The following WDR64 variants were observed in gnomAD, a reference collection of about 807,000 sequenced individuals.
The protein encoded by WDR64 is WD repeat domain 64.
Under a neutral mutation model 139.3 loss-of-function variants are expected in WDR64, and 112 were observed. The ratio of observed to expected loss-of-function variants is 0.80; its 90% CI spans 0.69 to 0.94. The LOEUF is 0.94. WDR64 is among the 40% of genes least tolerant of loss of function. WDR64 has a pLI of 0.00. For missense variants in WDR64, 1,206 were observed against 1,293.1 expected, an observed-to-expected ratio of 0.93 and a Z score of 1.03; for synonymous variants, 444 against 437.7, an observed-to-expected ratio of 1.01 and a Z score of -0.18.
chr1:241,713,535 AAGGG>A (rs531178935), intron 9 of WDR64, among the ~76,000 whole-genome samples: 1,988 of 141,158 alleles, frequency 0.014, 25 homozygotes, highest in South Asian at 0.03. Flanking sequence ...AAAAGCAAGG[AAGGG>A]AGGGAGGGAG....
Position 241,749,704 on chromosome 1 carries a change from G to A in WDR64, c.1752G>A (p.Gly584=). The change falls in exon 14 of 28, where the codon GGG becomes GGA. Residue 584 remains glycine, a synonymous_variant. Coordinates refer to ENST00000437684, the MANE Select transcript of WDR64 (RefSeq NM_001367482.1). ...TGGTCCTGGCCTTGGAGCGCAACGGGACTATCAAAATGATCCAGGTTTACA... is the reference window on the plus strand; with the variant it reads ...TGGTCCTGGCCTTGGAGCGCAACGGAACTATCAAAATGATCCAGGTTTACA... The part of the protein sequence containing the change: ...QQLVLALERN[G]TIKMIQGKED... The A allele has an allele frequency of 1.2e-6, 2 of 1,613,992 alleles. No homozygotes were observed. The highest frequency in any genetic ancestry group is 1.7e-6 in the Non-Finnish European group (2 of 1,179,950).
chr1:241,694,293 G>C (rs1667406522), intron 8 of WDR64, among the ~76,000 whole-genome samples: 2 of 152,082 alleles, frequency 1.3e-5, no homozygotes, highest in Non-Finnish European at 2.9e-5. Flanking sequence ...TAGACTTCAT[G>C]AAAGATACTT....
chr1:241,769,047 G>C (rs924577602), intron 16 of WDR64, among the ~76,000 whole-genome samples: 1 of 152,138 alleles, frequency 6.6e-6, no homozygotes, highest in Non-Finnish European at 1.5e-5. Context: ...CAGGAGGATC[G>C]CTTGAGCCCA....
chr1:241,729,449 A>AT (rs1209322768), intron 10 of WDR64, among the ~76,000 whole-genome samples: 1 of 152,088 alleles, frequency 6.6e-6, no homozygotes, highest in African/African-American at 2.4e-5. Flanking sequence ...AGTTCAGATT[A>AT]TTTTTTCTAG....
chr1:241,756,950 A>G (rs1359348314), intron 14 of WDR64, among the ~76,000 whole-genome samples: 1 of 152,238 alleles, frequency 6.6e-6, no homozygotes, highest in African/African-American at 2.4e-5. Flanking sequence ...ATTGAGTGAA[A>G]TAAGAAAGTT....
At chr1:241,781,948 A>T (rs531506028) in intron 22 of WDR64, among the ~76,000 whole-genome samples, 5 of 152,376 alleles carry the variant, frequency 3.3e-5, no homozygotes, top group Non-Finnish European at 7.3e-5. Context: ...CCTAAGGCAG[A>T]GAAAGAAACC....
At chr1:241,798,848 G>T (rs965032451) in intron 27 of WDR64, among the ~76,000 whole-genome samples, 3 of 151,954 alleles carry the variant, frequency 2.0e-5, no homozygotes, top group African/African-American at 7.3e-5. Flanking sequence ...CGTCTCTTTA[G>T]AATTAAACAA....
chr1:241,683,815 G>A, intron 7 of WDR64, 114 bp downstream of exon 7: 1 of 891,154 alleles, frequency 1.1e-6, no homozygotes, highest in South Asian at 2.3e-5. Context: ...AAGAAATTAA[G>A]ACAAAATTAA....
In WDR64 at chr1:241,802,012, T is replaced by C; in HGVS notation, c.*797T>C. The C allele has an allele frequency of 2.5e-6, 1 of 397,824 alleles. No individual in the cohort carries two copies. 24.6% of individuals were successfully genotyped at this position (397,824 alleles called of 1,614,324 possible). A position where few individuals can be genotyped will look rare whatever the true frequency, so the allele number is the denominator to read the frequency against. On this transcript the variant is annotated 3_prime_UTR_variant, in exon 28 of 28. Transcript: ENST00000437684. Reference sequence around the variant, plus strand: ...TTAAAGATAAAAGAATGAAAAAAGATGTATGATGCAAAAACTAACCTAAAG... The same window carrying C: ...TTAAAGATAAAAGAATGAAAAAAGACGTATGATGCAAAAACTAACCTAAAG...
chr1:241,687,661 A>G (rs1461365176), intron 8 of WDR64, 66 bp downstream of exon 8: 10 of 1,470,856 alleles, frequency 6.8e-6, no homozygotes, highest in African/African-American at 1.4e-5. Flanking sequence ...TGATAAAACC[A>G]TGACAGCTTT....
At chr1:241,701,615 G>A (rs559884101) in intron 8 of WDR64, among the ~76,000 whole-genome samples, 1 of 152,322 alleles carries the variant, frequency 6.6e-6, no homozygotes, top group East Asian at 1.9e-4. Context: ...ATTCGTCTGA[G>A]AAGAAGTCAG....
intron 1 of WDR64, among the ~76,000 whole-genome samples, chr1:241,658,243 C>T (rs930903088): frequency 6.6e-6 from 1 of 151,580 alleles, no homozygotes; most frequent in African/African-American, 2.4e-5. Context: ...AGTCTTACCC[C>T]AGGGAATTAC....
intron 8 of WDR64, among the ~76,000 whole-genome samples, chr1:241,690,308 T>C (rs897128200): frequency 1.3e-5 from 2 of 151,862 alleles, no homozygotes; most frequent in African/African-American, 4.8e-5. Context: ...CCGTCTCTAC[T>C]AAAAATACAA....
intron 16 of WDR64, among the ~76,000 whole-genome samples, chr1:241,768,404 C>T (rs1240711039): frequency 6.6e-6 from 1 of 152,202 alleles, no homozygotes; most frequent in Non-Finnish European, 1.5e-5. Context: ...TCTTTGTCTA[C>T]CACAAACTTC....
chr1:241,670,404 G>C lies in WDR64; in HGVS notation c.277-670G>C, dbSNP rs147632783. On this transcript the variant is annotated intron_variant, in intron 2 of 27. Transcript: ENST00000437684. ...TGGAAAATGGGTAAGACAGTCATTT[G>C]AGAGTGGCCAAAGTCAGTGTCAAAG... is the stretch of plus-strand genomic sequence containing the variant. Among the ~76,000 whole-genome samples the C allele has an allele frequency of 7.3e-3, 1,111 of 152,240 alleles. 15 individuals carry two copies. Among genetic ancestry groups the C allele is most frequent in the Middle Eastern group, 0.017 (5 of 294 alleles).
chr1:241,758,674 C>T (rs1445208392), intron 15 of WDR64, among the ~76,000 whole-genome samples: 4 of 152,006 alleles, frequency 2.6e-5, no homozygotes, highest in Non-Finnish European at 5.9e-5. Context: ...CCAAACTGTC[C>T]CATCTGAAAC....
chr1:241,697,418 A>G (rs1667538476), intron 8 of WDR64, among the ~76,000 whole-genome samples: 1 of 152,050 alleles, frequency 6.6e-6, no homozygotes, highest in African/African-American at 2.4e-5. Context: ...CTTCTCCAGG[A>G]TCTTGCTGTC....
chr1:241,708,703 TGTTTTTTTG>T lies in WDR64; in HGVS notation c.975-3098_975-3090del, dbSNP rs1283355271. 5.4e-3 allele frequency among the ~76,000 whole-genome samples: 552 copies of T among 101,292 alleles called. 45 individuals carry two copies. Among genetic ancestry groups the T allele is most frequent in the African/African-American group, 0.015 (399 of 27,226 alleles). 66.5% of individuals were successfully genotyped at this position (101,292 alleles called of 152,430 possible). The stretch of plus-strand genomic sequence containing the variant: ...GGCTGAGGTCCATGGTTTTTTTTTT[TGTTTTTTTG>T]TTTTTTTTTTTAAGGATTGGGTTTC... On this transcript the variant is annotated intron_variant, in intron 8 of 27. Transcript: ENST00000437684.
At chr1:241,742,189 T>C (rs1184947660) in intron 12 of WDR64, among the ~76,000 whole-genome samples, 4 of 152,216 alleles carry the variant, frequency 2.6e-5, no homozygotes, top group Admixed American at 6.5e-5. Flanking sequence ...GGCATAAGCA[T>C]GACGGCTGGA....
Sources: allele counts gnomAD v4.1 joint callset (sites outside exome capture counted in the v4.1 genomes callset), GRCh38; gene constraint gnomAD v4.1.1; transcripts MANE v1.5; gene names NCBI Gene and HGNC (gene_info 2026-07-23, HGNC 2026-07-21).